Variants in HOTAIR observed in about 807,000 individuals in gnomAD.
HOTAIR encodes the protein HOX transcript antisense RNA (non-protein coding).
At chr12:53,965,350 C>T (rs1939032407) in intron 5 of HOTAIR, among the ~76,000 whole-genome samples, 1 of 152,240 alleles carries the variant, frequency 6.6e-6, no homozygotes, top group African/African-American at 2.4e-5. Context: ...AGAGACTTTG[C>T]AGGTGGGGCC....
At position 53,973,131 on chromosome 12, in the gene HOTAIR, C is replaced by CAG. The variant is rs938240917; in HGVS notation, n.59+1765_59+1766dup. 34 of 787,624 alleles carry CAG rather than the reference C, an allele frequency of 4.3e-5. No homozygotes were observed. Among genetic ancestry groups the CAG allele is most frequent in the South Asian group, 7.4e-5 (4 of 54,128 alleles). The allele number at this position is 787,624 out of a possible 1,614,324, so 48.8% of individuals were successfully genotyped here. A position where few individuals can be genotyped will look rare whatever the true frequency, so the allele number is the denominator to read the frequency against. On this transcript the variant is annotated intron_variant and non_coding_transcript_variant, in intron 1 of 6. Transcript: ENST00000424518. The surrounding 1 kb of genome is among the most constrained non-coding windows in gnomAD (Gnocchi z 4.3). ...CAATATCTACTTTGGATCACGTGCT[C>CAG]AGAGAGAGAGAGACTAAGACGGATA...
chr12:53,971,283 G>A (rs570975524), intron 1 of HOTAIR, among the ~76,000 whole-genome samples: 13 of 152,246 alleles, frequency 8.5e-5, no homozygotes, highest in South Asian at 4.1e-4. Flanking sequence ...AAGGAGTAGC[G>A]CCCAGCATTG....
exon 7 of HOTAIR, chr12:53,963,569 CAATT>C (rs1237498650): frequency 3.9e-5 from 6 of 152,322 alleles, no homozygotes; most frequent in Non-Finnish European, 8.8e-5. Context: ...CCAAAGGAAT[CAATT>C]AATTAGCGCC....
chr12:53,972,602 A>G (rs1939166184), intron 1 of HOTAIR, among the ~76,000 whole-genome samples: 1 of 152,216 alleles, frequency 6.6e-6, no homozygotes, highest in South Asian at 2.1e-4. Flanking sequence ...CTTGACACCC[A>G]GCTCTGGCCA....
intron 1 of HOTAIR, among the ~76,000 whole-genome samples, chr12:53,970,860 G>A (rs900682777): frequency 1.3e-5 from 2 of 152,136 alleles, no homozygotes; most frequent in African/African-American, 4.8e-5. Context: ...TCTGCCTTGG[G>A]GGATTGGGCC....
chr12:53,969,657 G>A (rs1939116819), intron 1 of HOTAIR, among the ~76,000 whole-genome samples: 1 of 152,246 alleles, frequency 6.6e-6, no homozygotes, highest in Admixed American at 6.5e-5. Context: ...TAGGCAAGAA[G>A]GTGAAAGCCA....
Position 53,973,628 on chromosome 12 carries a change from C to G in HOTAIR, n.59+1270G>C, listed in dbSNP as rs1468543724. The G allele has an allele frequency of 2.5e-6, 4 of 1,613,692 alleles. No individual in the cohort carries two copies. Among genetic ancestry groups the G allele is most frequent in the Non-Finnish European group, 3.4e-6 (4 of 1,180,034 alleles). ...ACGGCGGCCACCACCACCCCAGCGCCCCGCACGCAACCCCCGCCGGCTTCT... is the reference window on the plus strand; with the variant it reads ...ACGGCGGCCACCACCACCCCAGCGCGCCGCACGCAACCCCCGCCGGCTTCT... On this transcript the variant is annotated intron_variant and non_coding_transcript_variant, in intron 1 of 6. Coordinates refer to ENST00000424518, the Ensembl canonical transcript of HOTAIR. This position sits in a 1 kb window ranked among gnomAD's most constrained non-coding sequence, Gnocchi z 4.3.
chr12:53,964,401 AG>A (rs1939012628), intron 5 of HOTAIR: 1 of 152,220 alleles, frequency 6.6e-6, no homozygotes, highest in South Asian at 2.1e-4. Flanking sequence ...AAAAGGGGGA[AG>A]GGAAAGAGAA....
rs767025016 is a variant in HOTAIR at position 53,973,307 on chromosome 12, C to G, written n.59+1591G>C. 7.4e-6 allele frequency: 12 copies of G among 1,613,866 alleles called. No homozygotes were observed. Among genetic ancestry groups the G allele is most frequent in the Non-Finnish European group, 1.7e-6 (2 of 1,180,022 alleles). ...CGCGCAAGGAGAGGGGCGCAGATTTCGGCGAGCGAGGGAGCTGCGCCTCCA... is the reference window on the plus strand; with the variant it reads ...CGCGCAAGGAGAGGGGCGCAGATTTGGGCGAGCGAGGGAGCTGCGCCTCCA... On this transcript the variant is annotated intron_variant and non_coding_transcript_variant, in intron 1 of 6. Coordinates refer to ENST00000424518, the Ensembl canonical transcript of HOTAIR. This position sits in a 1 kb window ranked among gnomAD's most constrained non-coding sequence, Gnocchi z 4.3.
Position 53,973,513 on chromosome 12 carries a change from C to A in HOTAIR, n.59+1385G>T, listed in dbSNP as rs1939186321. On this transcript the variant is annotated intron_variant and non_coding_transcript_variant, in intron 1 of 6. Coordinates refer to ENST00000424518, the Ensembl canonical transcript of HOTAIR. This position sits in a 1 kb window ranked among gnomAD's most constrained non-coding sequence, Gnocchi z 4.3. ...TGGCACCATCGGAACAGCTACTCCT[C>A]CTGCTATGCGGCGGCCGACGAGCTT... The A allele has an allele frequency of 6.2e-7, 1 of 1,613,936 alleles. No individual in the cohort carries two copies. Among genetic ancestry groups the A allele is most frequent in the Admixed American group, 1.7e-5 (1 of 60,000 alleles).
intron 1 of HOTAIR, among the ~76,000 whole-genome samples, chr12:53,971,967 A>T (rs954894319): frequency 6.6e-6 from 1 of 152,212 alleles, no homozygotes; most frequent in Non-Finnish European, 1.5e-5. Flanking sequence ...CCAGGGACAG[A>T]GGCTGGGGGC....
chr12:53,969,939 T>C (rs1939120621), intron 1 of HOTAIR, among the ~76,000 whole-genome samples: 1 of 152,216 alleles, frequency 6.6e-6, no homozygotes, highest in South Asian at 2.1e-4. Context: ...CCCAACGCTG[T>C]GTGCGGGAGT....
chr12:53,971,154 G>A (rs1939139913), intron 1 of HOTAIR, among the ~76,000 whole-genome samples: 1 of 152,128 alleles, frequency 6.6e-6, no homozygotes. Context: ...AAGGGCTAGA[G>A]GAAAAAGGAA....
chr12:53,972,049 A>G (rs1179225885), intron 1 of HOTAIR, among the ~76,000 whole-genome samples: 2 of 152,204 alleles, frequency 1.3e-5, no homozygotes, highest in African/African-American at 4.8e-5. Context: ...CTGTCTGGTT[A>G]GTCTCTTCTG....
Position 53,973,216 on chromosome 12 carries a change from T to C in HOTAIR, n.59+1682A>G. 1.3e-6 allele frequency: 2 copies of C among 1,527,138 alleles called. No homozygotes were observed. Among genetic ancestry groups the C allele is most frequent in the Non-Finnish European group, 1.8e-6 (2 of 1,142,268 alleles). 94.6% of individuals were successfully genotyped at this position (1,527,138 alleles called of 1,614,324 possible). On this transcript the variant is annotated intron_variant and non_coding_transcript_variant, in intron 1 of 6. Transcript: ENST00000424518. The surrounding 1 kb of genome is among the most constrained non-coding windows in gnomAD (Gnocchi z 4.3). ...CGCTAGACCGGGTCCAAAACCTCCA[T>C]CCGGAGCCGGCAGGAGAGGAGAACG...
chr12:53,973,643 CG>C lies in HOTAIR; in HGVS notation n.59+1254del. The C allele has an allele frequency of 6.2e-7, 1 of 1,613,826 alleles. No individual in the cohort carries two copies. The highest frequency in any genetic ancestry group is 8.5e-7 in the Non-Finnish European group (1 of 1,180,040). On this transcript the variant is annotated intron_variant and non_coding_transcript_variant, in intron 1 of 6. Transcript: ENST00000424518. This position sits in a 1 kb window ranked among gnomAD's most constrained non-coding sequence, Gnocchi z 4.3. ...ACCCCAGCGCCCCGCACGCAACCCCCGCCGGCTTCTACTCCTCAGTCAACAA... is the reference window on the plus strand; with the variant it reads ...ACCCCAGCGCCCCGCACGCAACCCCCCCGGCTTCTACTCCTCAGTCAACAA...
intron 1 of HOTAIR, among the ~76,000 whole-genome samples, chr12:53,969,130 C>T (rs916986761): frequency 6.6e-6 from 1 of 152,212 alleles, no homozygotes; most frequent in African/African-American, 2.4e-5. Flanking sequence ...AGGGCAATCC[C>T]ACCCAGAAAA....
chr12:53,972,764 C>G (rs1428946925), intron 1 of HOTAIR, among the ~76,000 whole-genome samples: 1 of 152,186 alleles, frequency 6.6e-6, no homozygotes, highest in Non-Finnish European at 1.5e-5. Flanking sequence ...CCTCCTGGTG[C>G]TGCTCACAGA....
In HOTAIR at chr12:53,968,699, G is replaced by A. The variant is rs1467076531; in HGVS notation, n.117C>T. The A allele has an allele frequency of 2.6e-5, 4 of 152,570 alleles. No individual in the cohort carries two copies. The South Asian group carries it at 6.2e-4, about 24-fold the overall frequency. 9.5% of individuals were successfully genotyped at this position (152,570 alleles called of 1,614,324 possible). ...GTCAGAGTTCCCCACTGCCTGCCTA[G>A]GCTTCCAGGTTCCGGAAATCAGGGC... On this transcript the variant is annotated non_coding_transcript_exon_variant, in exon 2 of 7. Transcript: ENST00000424518.
Sources: allele counts gnomAD v4.1 joint callset (sites outside exome capture counted in the v4.1 genomes callset), GRCh38; gene constraint gnomAD v4.1.1; non-coding constraint Gnocchi (gnomAD v3.1); transcripts MANE v1.5; gene names NCBI Gene and HGNC (gene_info 2026-07-23, HGNC 2026-07-21).